The following SPOCK2 variants were observed in gnomAD, a reference collection of about 807,000 sequenced individuals.
The protein encoded by SPOCK2 is SPARC (osteonectin), cwcv and kazal like domains proteoglycan 2.
A neutral mutation model predicts 60.1 loss-of-function variants in SPOCK2; 39 were observed. The observed-to-expected ratio is 0.65, with a 90% CI of 0.50 to 0.85. SPOCK2 has a LOEUF of 0.85. Ranked by LOEUF, SPOCK2 falls within the 40% of genes least tolerant of loss-of-function variation. The pLI, the probability that SPOCK2 is intolerant of heterozygous loss-of-function variation, is 0.00. For synonymous variants in SPOCK2, 217 were observed against 231.5 expected (o/e 0.94, Z 0.57); for missense variants, 523 against 567.4 (o/e 0.92, Z 0.80).
chr10:72,072,368 C>A, intron 3 of SPOCK2, 110 bp from the exon 4 acceptor site: 1 of 1,482,114 alleles, frequency 6.7e-7, no homozygotes, highest in Non-Finnish European at 9.1e-7. Flanking sequence ...ATAACCAGAG[C>A]TCCTGAGCTC....
At chr10:72,064,519 G>C (rs927811242) in intron 8 of SPOCK2, among the ~76,000 whole-genome samples, 3 of 152,272 alleles carry the variant, frequency 2.0e-5, no homozygotes, top group African/African-American at 7.2e-5. Context: ...ATTCAGAAGA[G>C]GAGGTGGGGT....
chr10:72,079,776 C>G (rs765536097), intron 1 of SPOCK2, among the ~76,000 whole-genome samples: 12 of 152,112 alleles, frequency 7.9e-5, no homozygotes, highest in African/African-American at 2.9e-4. Context: ...CAAGATCCAC[C>G]TGCTTCTTTG....
At chr10:72,064,031 G>C (rs1320972385) in intron 9 of SPOCK2, 147 bp downstream of exon 9, 2 of 989,098 alleles carry the variant, frequency 2.0e-6, no homozygotes, top group Non-Finnish European at 2.9e-6. Flanking sequence ...ACACAGGAAG[G>C]GGGCAACCCT....
intron 5 of SPOCK2, chr10:72,070,070 C>A: frequency 2.2e-6 from 1 of 461,592 alleles, no homozygotes. Context: ...CCAGGCCCCA[C>A]TCCCCACCTG....
At position 72,088,192 on chromosome 10, in the gene SPOCK2, G is replaced by C; in HGVS notation, c.137C>G (p.Ser46Trp). The change falls in exon 1 of 11, where the codon TCG becomes TGG. Residue 46 changes from serine (S) to tryptophan (W), a missense_variant. Ser to Trp is a radical substitution (Grantham distance 177). Transcript: ENST00000373109. ...GNFMEDEQWL[S>W]SISQYSGKIK... ...CTTGCCGCTGTACTGCGAGATGGAC[G>C]ACAGCCATTGCTCGTCCTCCATGAA... 1 of 1,613,090 alleles carries C rather than the reference G, an allele frequency of 6.2e-7. No individual in the cohort carries two copies. The highest frequency in any genetic ancestry group is 2.2e-5 in the East Asian group (1 of 44,844).
Position 72,067,534 on chromosome 10 carries a change from A to T in SPOCK2, c.709+79T>A, listed in dbSNP as rs1530804. On this transcript the variant is annotated intron_variant, in intron 7 of 10. Coordinates refer to ENST00000373109, the MANE Select transcript of SPOCK2 (RefSeq NM_001244950.2). ...GTCTGGCAGGAAGGAACAAGGGCAG[A>T]CTGGCCCAGCATACACCTGTGTCCT... 22 of 1,584,118 alleles carry T rather than the reference A, an allele frequency of 1.4e-5. No individual in the cohort carries two copies. The South Asian group carries it at 2.2e-4, about 16-fold the overall frequency.
rs1213668762 is a variant in SPOCK2, at chr10:72,059,934, C to G, written c.*2826G>C. On this transcript the variant is annotated 3_prime_UTR_variant, in exon 11 of 11. Coordinates refer to ENST00000373109, the MANE Select transcript of SPOCK2 (RefSeq NM_001244950.2). ...GGGCAGCCAAGGGGAGTTCCAGGAC[C>G]AAGCAAGCAAGAAACCGTTCTTTGA... The G allele has an allele frequency of 6.5e-6, 1 of 152,750 alleles. No homozygotes were observed. The highest frequency in any genetic ancestry group is 1.5e-5 in the Non-Finnish European group (1 of 68,128). 9.5% of individuals were successfully genotyped at this position (152,750 alleles called of 1,614,324 possible).
At chr10:72,068,942 C>G (rs911547872) in intron 5 of SPOCK2, 2 of 152,430 alleles carry the variant, frequency 1.3e-5, no homozygotes, top group African/African-American at 4.8e-5. Flanking sequence ...ACAACATTAT[C>G]TCACTTGGGA....
At chr10:72,069,879 T>G (rs989697241) in intron 5 of SPOCK2, among the ~76,000 whole-genome samples, 1 of 152,194 alleles carries the variant, frequency 6.6e-6, no homozygotes, top group African/African-American at 2.4e-5. Context: ...GGAGGATTAT[T>G]TCCTGCTGCC....
Position 72,061,721 on chromosome 10 carries a change from G to T in SPOCK2, c.*1039C>A, listed in dbSNP as rs1277747368. 2 of 152,672 alleles carry T rather than the reference G, an allele frequency of 1.3e-5. No individual in the cohort carries two copies. The highest frequency in any genetic ancestry group is 2.9e-5 in the Non-Finnish European group (2 of 68,420). The allele number at this position is 152,672 out of a possible 1,614,324, so 9.5% of individuals were successfully genotyped here. On this transcript the variant is annotated 3_prime_UTR_variant, in exon 11 of 11. Coordinates refer to ENST00000373109, the MANE Select transcript of SPOCK2 (RefSeq NM_001244950.2). Reference sequence around the variant, plus strand: ...GGATGGAGGCAGGAGTTGCACCAAGGGGGAGCCAGGCAGAGGTCAACTGTG... The same window carrying T: ...GGATGGAGGCAGGAGTTGCACCAAGTGGGAGCCAGGCAGAGGTCAACTGTG...
rs566987105 is a variant in SPOCK2 at position 72,066,551 on chromosome 10, G to A, written c.928+351C>T. 3.3e-5 allele frequency among the ~76,000 whole-genome samples: 5 copies of A among 149,588 alleles called. No individual in the cohort carries two copies. In the East Asian group the frequency reaches 9.9e-4, roughly 30 times the overall value. On this transcript the variant is annotated intron_variant, in intron 8 of 10. Transcript: ENST00000373109. Reference sequence around the variant, plus strand: ...AGAGGAGGTCTCCCTGTATTGTTTGGGCTGGTCGCCAACTCCTGGGTCACA... The same window carrying A: ...AGAGGAGGTCTCCCTGTATTGTTTGAGCTGGTCGCCAACTCCTGGGTCACA...
chr10:72,070,499 G>A, intron 4 of SPOCK2, 73 bp from the exon 5 acceptor site: 1 of 1,433,784 alleles, frequency 7.0e-7, no homozygotes, highest in Non-Finnish European at 9.8e-7. Flanking sequence ...GGAGGGCTGA[G>A]CAGACCTGTT....
At position 72,064,231 on chromosome 10, in the gene SPOCK2, C is replaced by G; in HGVS notation, c.938G>C (p.Cys313Ser). The G allele has an allele frequency of 1.2e-6, 2 of 1,601,196 alleles. No individual in the cohort carries two copies. Among genetic ancestry groups the G allele is most frequent in the Non-Finnish European group, 1.7e-6 (2 of 1,175,448 alleles). ...CTGGATGCGCTCCAGCTCTGCCAGG[C>G]AGGGGGGCTCTGTGGGGAGAGAAGC... ...CFCFWREKPP[C>S]LAELERIQIQ... Residue 313 changes from cysteine (C) to serine (S), a missense_variant, in exon 9 of 11, where the codon TGC becomes TCC. By Grantham distance (112) the Cys-to-Ser change is moderately radical (BLOSUM62 -1). Transcript: ENST00000373109.
At chr10:72,069,555 G>A (rs370689525) in intron 5 of SPOCK2, among the ~76,000 whole-genome samples, 4 of 147,460 alleles carry the variant, frequency 2.7e-5, no homozygotes, top group African/African-American at 7.6e-5. Context: ...CTACAGCCTC[G>A]AACTCCTGGC....
Position 72,062,957 on chromosome 10 carries a change from C to A in SPOCK2, c.1130-52G>T. ...GTGAGGGAGCTTCTGGCACGCACCC[C>A]CCAGCATCCCACGACAAGGGCCCCC... On this transcript the variant is annotated intron_variant, in intron 10 of 10. Transcript: ENST00000373109. This position sits in a 1 kb window ranked among gnomAD's most constrained non-coding sequence, Gnocchi z 4.3. The A allele has an allele frequency of 6.3e-7, 1 of 1,585,554 alleles. No homozygotes were observed. Among genetic ancestry groups the A allele is most frequent in the East Asian group, 2.3e-5 (1 of 43,812 alleles).
intron 1 of SPOCK2, among the ~76,000 whole-genome samples, chr10:72,081,128 GC>G (rs1477271203): frequency 2.0e-5 from 3 of 152,174 alleles, no homozygotes; most frequent in Non-Finnish European, 4.4e-5. Context: ...CAGGGGAAGA[GC>G]CCCAGGCCAC....
Position 72,063,032 on chromosome 10 carries a change from G to A in SPOCK2, c.1122C>T (p.Pro374=), listed in dbSNP as rs754349519. Reference sequence around the variant, plus strand: ...GAGCTGCCCAGCCCGTACCGCAGTCGGGGCTCCCATGCGTGCGCGTGCCAG... The same window carrying A: ...GAGCTGCCCAGCCCGTACCGCAGTCAGGGCTCCCATGCGTGCGCGTGCCAG... The part of the protein sequence containing the change: ...ELTGTRTHGS[P]DCDDIVGFSG... Residue 374 remains proline, a synonymous_variant, in exon 10 of 11, where the codon CCC becomes CCT. Coordinates refer to ENST00000373109, the MANE Select transcript of SPOCK2 (RefSeq NM_001244950.2). The A allele has an allele frequency of 2.4e-5, 37 of 1,556,544 alleles. No homozygotes were observed. The highest frequency in any genetic ancestry group is 4.7e-5 in the South Asian group (4 of 84,532).
chr10:72,086,650 C>T (rs1456998276), intron 1 of SPOCK2: 14 of 1,241,770 alleles, frequency 1.1e-5, no homozygotes, highest in Non-Finnish European at 1.4e-5. Context: ...CGCGGGGCTC[C>T]AGGCTCCTGC....
intron 5 of SPOCK2, 64 bp from the exon 6 acceptor site, chr10:72,068,365 G>A: frequency 6.7e-7 from 1 of 1,486,722 alleles, no homozygotes; most frequent in Non-Finnish European, 9.0e-7. Context: ...CACAGCTGGG[G>A]ACACCCTCAA....
Sources: allele counts gnomAD v4.1 joint callset (sites outside exome capture counted in the v4.1 genomes callset), GRCh38; gene constraint gnomAD v4.1.1; non-coding constraint Gnocchi (gnomAD v3.1); transcripts MANE v1.5; gene names NCBI Gene and HGNC (gene_info 2026-07-23, HGNC 2026-07-21).